The following OASL variants were observed in gnomAD, a reference collection of about 807,000 sequenced individuals.
OASL encodes 2'-5'-oligoadenylate synthase-like protein.
OASL carries 28 observed loss-of-function variants against 35.3 expected under a neutral mutation model. The observed-to-expected ratio is 0.79, with a 90% CI of 0.59 to 1.09. OASL has a LOEUF of 1.09. OASL is among the 50% of genes least tolerant of loss of function. The pLI is 0.00. For missense variants in OASL, 620 were observed against 635.2 expected (o/e 0.98, Z 0.26); for synonymous variants, 252 against 254.6 (o/e 0.99, Z 0.10).
Position 121,024,203 on chromosome 12 carries a change from C to T in OASL, c.900-66G>A, listed in dbSNP as rs1869384502. ...GAAGGCCTTCAAGCCAGAAAAAAACCTTCTCGGCAATTATTTCGTCCAGCC... is the reference window on the plus strand; with the variant it reads ...GAAGGCCTTCAAGCCAGAAAAAAACTTTCTCGGCAATTATTTCGTCCAGCC... On this transcript the variant is annotated intron_variant, in intron 4 of 5. Coordinates refer to ENST00000257570, the Ensembl canonical transcript of OASL. The T allele has an allele frequency of 3.2e-6, 5 of 1,549,578 alleles. No homozygotes were observed. In the South Asian group the frequency reaches 5.7e-5, roughly 18 times the overall value.
chr12:121,031,945 C>T (rs111250943), intron 2 of OASL, among the ~76,000 whole-genome samples: 216 of 152,190 alleles, frequency 1.4e-3, no homozygotes, highest in Non-Finnish European at 2.5e-3. Flanking sequence ...AATCCCAGCA[C>T]TTTGGGAGGC....
intron 3 of OASL, among the ~76,000 whole-genome samples, chr12:121,028,700 T>C (rs1276231533): frequency 6.9e-6 from 1 of 144,168 alleles, no homozygotes; most frequent in African/African-American, 2.6e-5. Flanking sequence ...CCAGTTTGAG[T>C]TGGTTTTTGT....
chr12:121,031,586 A>AGG lies in OASL; in HGVS notation c.511_512dup (p.Glu172LeufsTer5), dbSNP rs1031803543. ...CCTTGATCAGGCTCACATAGACCTC[A>AGG]GGGGGTGGCTGGGAGTTGGGAAGAG... On this transcript the variant is annotated frameshift_variant, in exon 3 of 6. Coordinates refer to ENST00000257570, the Ensembl canonical transcript of OASL. LOFTEE classifies it high-confidence loss of function. 6.2e-7 allele frequency: 1 copy of AGG among 1,613,532 alleles called. No individual in the cohort carries two copies.
At chr12:121,029,750 C>A (rs1215922095) in intron 3 of OASL, among the ~76,000 whole-genome samples, 1 of 152,022 alleles carries the variant, frequency 6.6e-6, no homozygotes, top group African/African-American at 2.4e-5. Flanking sequence ...TCATCCTTAA[C>A]ACTCAATTTT....
At chr12:121,026,900 T>C (rs1592934508) in intron 4 of OASL, among the ~76,000 whole-genome samples, 1 of 151,788 alleles carries the variant, frequency 6.6e-6, no homozygotes, top group African/African-American at 2.4e-5. Flanking sequence ...TCCTTCCATC[T>C]TTTGGGTGAG....
downstream of OASL, among the ~76,000 whole-genome samples, chr12:121,018,689 A>T (rs1347364742): frequency 6.6e-6 from 1 of 151,566 alleles, no homozygotes; most frequent in Non-Finnish European, 1.5e-5. Context: ...CAAGATGGTG[A>T]AACCCCGTCT....
chr12:121,033,553 T>C (rs1565907034), exon 2 of OASL: 1 of 1,614,174 alleles, frequency 6.2e-7, no homozygotes, highest in East Asian at 2.2e-5. Flanking sequence ...GGGGACTCTC[T>C]GCTCCATCCT....
intron 3 of OASL, among the ~76,000 whole-genome samples, chr12:121,028,936 G>A (rs967940875): frequency 9.9e-5 from 15 of 151,712 alleles, no homozygotes; most frequent in Non-Finnish European, 1.6e-4. Context: ...GTGGTGGCAG[G>A]TGCCTGTAAT....
chr12:121,033,768 C>T, intron 1 of OASL, 25 bp from the exon 2 acceptor site: 2 of 1,603,738 alleles, frequency 1.2e-6, no homozygotes, highest in Non-Finnish European at 1.7e-6. Flanking sequence ...GCCCCGTCAC[C>T]CTGAGGCCCA....
intron 2 of OASL, among the ~76,000 whole-genome samples, chr12:121,032,512 G>A (rs1268179350): frequency 6.6e-6 from 1 of 152,144 alleles, no homozygotes; most frequent in Non-Finnish European, 1.5e-5. Flanking sequence ...AAGCTGGTGA[G>A]TAAGCACGCC....
At chr12:121,021,879 C>A (rs987699401) in intron 5 of OASL, among the ~76,000 whole-genome samples, 24 of 152,028 alleles carry the variant, frequency 1.6e-4, no homozygotes, top group African/African-American at 5.6e-4. Flanking sequence ...TCTGACTAGC[C>A]AAGATAAAAA....
exon 6 of OASL, chr12:121,020,734 C>A: frequency 6.2e-7 from 1 of 1,614,132 alleles, no homozygotes; most frequent in Non-Finnish European, 8.5e-7. Context: ...TGCTTCAGAC[C>A]CAGGATGAAG....
chr12:121,020,404 G>T, exon 6 of OASL: 1 of 779,292 alleles, frequency 1.3e-6, no homozygotes, highest in East Asian at 2.6e-5. Flanking sequence ...CAAAGTTCTG[G>T]GATTACAGGT....
intron 5 of OASL, 65 bp downstream of exon 5, chr12:121,023,925 A>C: frequency 6.3e-7 from 1 of 1,586,328 alleles, no homozygotes; most frequent in African/African-American, 1.3e-5. Flanking sequence ...GAATGAGTAA[A>C]TACTGAGTAG....
At chr12:121,036,147 G>A (rs1869949471) in intron 1 of OASL, among the ~76,000 whole-genome samples, 1 of 152,190 alleles carries the variant, frequency 6.6e-6, no homozygotes, top group Non-Finnish European at 1.5e-5. Context: ...ACAGGCGTGA[G>A]CCACTGTGCC....
exon 6 of OASL, chr12:121,020,983 G>T (rs1456126713): frequency 2.5e-6 from 4 of 1,613,828 alleles, no homozygotes; most frequent in East Asian, 4.5e-5. Flanking sequence ...TTCCTTATGG[G>T]CTCATAAGGG....
At chr12:121,023,867 G>T in intron 5 of OASL, 123 bp downstream of exon 5, 1 of 1,156,424 alleles carries the variant, frequency 8.6e-7, no homozygotes, top group Non-Finnish European at 1.2e-6. Flanking sequence ...GGTGCAGCTG[G>T]CCCTTAAACG....
intron 2 of OASL, among the ~76,000 whole-genome samples, chr12:121,031,890 C>T (rs1277560140): frequency 6.6e-6 from 1 of 151,842 alleles, no homozygotes; most frequent in Non-Finnish European, 1.5e-5. Context: ...TTTTGTATCT[C>T]TTTCAATACT....
At chr12:121,029,064 GAAAAAA>G (rs10577200) in intron 3 of OASL, among the ~76,000 whole-genome samples, 3 of 105,106 alleles carry the variant, frequency 2.9e-5, no homozygotes, top group African/African-American at 7.1e-5. Flanking sequence ...ACTTGTCTCA[GAAAAAA>G]AAAAAAAAAA....
Sources: gnomAD v4.1 joint callset for allele counts (sites outside exome capture counted in the v4.1 genomes callset) on GRCh38, gnomAD v4.1.1 for gene constraint, MANE v1.5 for transcripts, NCBI Gene and HGNC (gene_info 2026-07-23, HGNC 2026-07-21) for gene names.